Variants in QTGAL observed in about 807,000 individuals in gnomAD.
QTGAL encodes the protein BGnT-like protein 1.
the QTGAL span, among the ~76,000 whole-genome samples, chr17:83,025,149 ACACACACAGACACCGCGGAGTC>A: frequency 1.4e-4 from 21 of 151,046 alleles, no homozygotes; most frequent in East Asian, 7.9e-4. Context: ...TGAAGTCCAC[ACACACACAGACACCGCGGAGTC>A]CACACACGGA....
At chr17:82,947,455 T>C in the QTGAL span, 1 of 157,318 alleles carries the variant, frequency 6.4e-6, no homozygotes, top group African/African-American at 2.4e-5. Flanking sequence ...ACCCCTGCAA[T>C]GGAGTGAGGG....
the QTGAL span, among the ~76,000 whole-genome samples, chr17:82,966,217 ATTTTC>A: frequency 6.8e-6 from 1 of 147,750 alleles, no homozygotes. Context: ...GTGCCTGGCT[ATTTTC>A]TTACATTTCT....
the QTGAL span, among the ~76,000 whole-genome samples, chr17:83,042,869 G>A: frequency 1.4e-4 from 21 of 152,294 alleles, no homozygotes; most frequent in South Asian, 3.1e-3. Context: ...GATATTCCAC[G>A]CAACTAGTAA....
chr17:82,985,871 TCA>T, the QTGAL span, among the ~76,000 whole-genome samples: 3 of 5,808 alleles, frequency 5.2e-4, no homozygotes, highest in East Asian at 0.011. Context: ...GCATTAAAAA[TCA>T]TCGTGTATTC....
the QTGAL span, among the ~76,000 whole-genome samples, chr17:83,033,880 T>C: frequency 5.9e-5 from 9 of 152,242 alleles, no homozygotes; most frequent in African/African-American, 2.2e-4. Flanking sequence ...ATTAGTTGTT[T>C]GTACATCCAC....
At chr17:82,971,152 A>G in the QTGAL span, among the ~76,000 whole-genome samples, 1 of 152,184 alleles carries the variant, frequency 6.6e-6, no homozygotes, top group African/African-American at 2.4e-5. Flanking sequence ...TCACGGGGAC[A>G]AACCACATCC....
the QTGAL span, chr17:82,944,442 C>T: frequency 6.6e-6 from 1 of 152,186 alleles, no homozygotes; most frequent in Non-Finnish European, 1.5e-5. Context: ...AGCAAATGAA[C>T]AAGCAAGCAC....
At chr17:82,986,679 T>C in the QTGAL span, among the ~76,000 whole-genome samples, 5 of 152,366 alleles carry the variant, frequency 3.3e-5, no homozygotes, top group South Asian at 8.3e-4. Context: ...CTTAATGGAA[T>C]AGTTGATGCC....
chr17:82,966,207 G>A, the QTGAL span, among the ~76,000 whole-genome samples: 10 of 149,598 alleles, frequency 6.7e-5, no homozygotes, highest in Non-Finnish European at 1.2e-4. Context: ...GCACACCACC[G>A]TGCCTGGCTA....
chr17:83,039,855 G>A, the QTGAL span, among the ~76,000 whole-genome samples: 30 of 152,316 alleles, frequency 2.0e-4, no homozygotes, highest in African/African-American at 6.5e-4. Context: ...GGGGCCAGGA[G>A]CTGCTCCTGT....
At chr17:83,013,235 C>G in the QTGAL span, among the ~76,000 whole-genome samples, 2 of 152,040 alleles carry the variant, frequency 1.3e-5, no homozygotes, top group African/African-American at 4.8e-5. Context: ...TGACACACCC[C>G]CAAAGGAGGC....
the QTGAL span, among the ~76,000 whole-genome samples, chr17:82,951,548 A>G: frequency 6.6e-6 from 1 of 152,184 alleles, no homozygotes; most frequent in African/African-American, 2.4e-5. Flanking sequence ...CTGGAGGACC[A>G]CTTTTAATTT....
the QTGAL span, among the ~76,000 whole-genome samples, chr17:82,970,986 C>T: frequency 1.3e-5 from 2 of 152,132 alleles, no homozygotes; most frequent in Non-Finnish European, 2.9e-5. Context: ...GAAACCGAGG[C>T]AGCCGGGTCC....
the QTGAL span, among the ~76,000 whole-genome samples, chr17:82,966,883 G>A: frequency 6.6e-6 from 1 of 152,330 alleles, no homozygotes; most frequent in South Asian, 2.1e-4. Flanking sequence ...AAAACGAAAA[G>A]ATAATCCAGG....
chr17:82,964,961 A>G, the QTGAL span, among the ~76,000 whole-genome samples: 2 of 93,100 alleles, frequency 2.1e-5, no homozygotes, highest in East Asian at 3.7e-4. Context: ...CCCACAGGAG[A>G]ACGGGGACAT....
At chr17:83,045,284 G>T in the QTGAL span, among the ~76,000 whole-genome samples, 1 of 152,326 alleles carries the variant, frequency 6.6e-6, no homozygotes, top group East Asian at 1.9e-4. Context: ...GAATCCATAC[G>T]TTTATGGTTA....
the QTGAL span, among the ~76,000 whole-genome samples, chr17:83,046,486 T>C: frequency 1.3e-5 from 2 of 152,204 alleles, no homozygotes; most frequent in South Asian, 4.1e-4. Flanking sequence ...AGGCACAACA[T>C]CTTTAGTCAA....
chr17:83,013,275 G>A, the QTGAL span, among the ~76,000 whole-genome samples: 4 of 151,454 alleles, frequency 2.6e-5, no homozygotes, highest in South Asian at 8.4e-4. Context: ...CACCCGAGAA[G>A]GTGGCCTGTG....
chr17:82,948,451 T>C, the QTGAL span: 1 of 152,232 alleles, frequency 6.6e-6, no homozygotes, highest in African/African-American at 2.4e-5. Flanking sequence ...CGGGAACCAC[T>C]GCCCACAGGC....
Sources: allele counts gnomAD v4.1 joint callset (sites outside exome capture counted in the v4.1 genomes callset), GRCh38; gene constraint gnomAD v4.1.1; transcripts MANE v1.5; gene names NCBI Gene and HGNC (gene_info 2026-07-23, HGNC 2026-07-21).